Variants in PCDH15 observed in about 807,000 individuals in gnomAD.
PCDH15 encodes protocadherin related 15.
A neutral mutation model predicts 178.5 loss-of-function variants in PCDH15; 129 were observed. That is an observed-to-expected ratio of 0.72 (90% CI 0.63 to 0.84). The LOEUF (loss-of-function observed/expected upper bound fraction) is 0.84. Ranked by LOEUF, PCDH15 falls within the 40% of genes least tolerant of loss-of-function variation. The pLI is 0.00. For missense variants in PCDH15, 2,230 were observed against 2,099.9 expected (o/e 1.06, Z -1.21); for synonymous variants, 800 against 732.0 (o/e 1.09, Z -1.50).
In PCDH15 at chr10:54,959,705, A is replaced by G. The variant is rs185148774; in HGVS notation, c.-79-62205T>C. On this transcript the variant is annotated intron_variant, in intron 2 of 5. Transcript: ENST00000458638. ...ATCTAACCTAGCCTTTATGTCTATC[A>G]TCGAATTTAGAGGAACTAAAGGAAT... Among the ~76,000 whole-genome samples the G allele has an allele frequency of 5.9e-4, 90 of 152,214 alleles. 1 individual carries two copies. The East Asian group carries it at 0.016, about 27-fold the overall frequency.
intron 2 of PCDH15, among the ~76,000 whole-genome samples, chr10:55,354,780 G>A (rs900183830): frequency 4.0e-5 from 6 of 151,742 alleles, no homozygotes; most frequent in African/African-American, 9.7e-5. Context: ...ATATTTTTGC[G>A]GAATGTACAG....
intron 23 of PCDH15, 137 bp downstream of exon 23, chr10:53,959,595 A>C: frequency 1.5e-6 from 1 of 657,288 alleles, no homozygotes; most frequent in East Asian, 2.8e-5. Context: ...TTTAAACTAT[A>C]TTTTATGTTA....
chr10:55,365,471 C>T (rs1231275284), intron 2 of PCDH15, among the ~76,000 whole-genome samples: 1 of 152,054 alleles, frequency 6.6e-6, no homozygotes, highest in African/African-American at 2.4e-5. Context: ...GATCTTCCCA[C>T]ATTAATCTTT....
chr10:54,607,568 G>A (rs2092796765), intron 2 of PCDH15, among the ~76,000 whole-genome samples: 1 of 151,998 alleles, frequency 6.6e-6, no homozygotes, highest in Non-Finnish European at 1.5e-5. Flanking sequence ...TTGTCTGCAT[G>A]ACAAATTTAT....
At chr10:54,550,544 T>A (rs1327258960) in intron 2 of PCDH15, among the ~76,000 whole-genome samples, 2 of 152,064 alleles carry the variant, frequency 1.3e-5, no homozygotes, top group African/African-American at 4.8e-5. Context: ...CAATGTTTGT[T>A]GTATTTTTTT....
intron 2 of PCDH15, among the ~76,000 whole-genome samples, chr10:55,055,720 T>C (rs1215940677): frequency 6.6e-6 from 1 of 152,068 alleles, no homozygotes; most frequent in Admixed American, 6.6e-5. Flanking sequence ...GGAGAATTGC[T>C]TGAACCCAAA....
chr10:53,971,239 C>G (rs1175028004), intron 21 of PCDH15, among the ~76,000 whole-genome samples: 3 of 152,076 alleles, frequency 2.0e-5, no homozygotes, highest in African/African-American at 7.2e-5. Flanking sequence ...ATTCAACAGC[C>G]CTTCCTGCTA....
intron 2 of PCDH15, among the ~76,000 whole-genome samples, chr10:55,164,909 G>C (rs1399053321): frequency 1.3e-5 from 2 of 151,106 alleles, no homozygotes; most frequent in East Asian, 3.9e-4. Context: ...GAAGGGTAGA[G>C]AATTGAGAAC....
At chr10:54,456,387 G>C (rs2076822493) in intron 3 of PCDH15, among the ~76,000 whole-genome samples, 1 of 152,158 alleles carries the variant, frequency 6.6e-6, no homozygotes, top group Non-Finnish European at 1.5e-5. Flanking sequence ...TTTAATGACT[G>C]TCCTATTGGA....
At chr10:54,099,042 C>T (rs756710998) in intron 15 of PCDH15, among the ~76,000 whole-genome samples, 1 of 152,086 alleles carries the variant, frequency 6.6e-6, no homozygotes, top group East Asian at 1.9e-4. Flanking sequence ...TTCCTCAGAG[C>T]CTACTCACTT....
At chr10:54,964,880 T>C (rs1052133165) in intron 2 of PCDH15, among the ~76,000 whole-genome samples, 1 of 152,290 alleles carries the variant, frequency 6.6e-6, no homozygotes, top group East Asian at 1.9e-4. Flanking sequence ...TGAATGATAA[T>C]GTATTCTCAG....
At chr10:55,588,698 A>G (rs7915147) in intron 2 of PCDH15, among the ~76,000 whole-genome samples, 49,670 of 151,950 alleles carry the variant, frequency 0.33, 8,583 homozygotes, top group East Asian at 0.49. Flanking sequence ...AAATTGTAAA[A>G]CTAAGAAAAA....
At chr10:55,346,996 C>T (rs896212192) in intron 2 of PCDH15, among the ~76,000 whole-genome samples, 1 of 151,988 alleles carries the variant, frequency 6.6e-6, no homozygotes, top group Non-Finnish European at 1.5e-5. Context: ...GGGAGGATCA[C>T]TTGGCTCAGG....
At position 53,973,751 on chromosome 10, in the gene PCDH15, GA is replaced by G. The variant is rs201031015; in HGVS notation, c.2869-11860del. Among the ~76,000 whole-genome samples the G allele has an allele frequency of 6.6e-5, 10 of 150,820 alleles. 1 individual carries two copies. The South Asian group carries it at 1.0e-3, about 16-fold the overall frequency. Reference sequence around the variant, plus strand: ...TAAATAGATTTTTAAAAGATTTTTAGAAAAAAAAATCATAGCCATTGCTCCT... The same window carrying G: ...TAAATAGATTTTTAAAAGATTTTTAGAAAAAAAATCATAGCCATTGCTCCT... On this transcript the variant is annotated intron_variant, in intron 21 of 37. Coordinates refer to ENST00000644397, the MANE Select transcript of PCDH15 (RefSeq NM_001384140.1).
chr10:53,973,180 G>C (rs2134470558), intron 21 of PCDH15, among the ~76,000 whole-genome samples: 1 of 151,424 alleles, frequency 6.6e-6, no homozygotes, highest in East Asian at 2.0e-4. Flanking sequence ...TCTGAGCAAA[G>C]TATTGCAAGG....
At chr10:55,280,013 T>C (rs535686220) in intron 1 of PCDH15, among the ~76,000 whole-genome samples, 1 of 152,232 alleles carries the variant, frequency 6.6e-6, no homozygotes, top group Admixed American at 6.5e-5. Context: ...CCACATAACA[T>C]AAGCAAGATG....
chr10:54,897,934 GAAAAAATCCTTCTT>G (rs953466844), intron 2 of PCDH15, among the ~76,000 whole-genome samples: 2 of 152,104 alleles, frequency 1.3e-5, no homozygotes, highest in African/African-American at 4.8e-5. Flanking sequence ...AACAGCTTAT[GAAAAAATCCTTCTT>G]TCTGTATAAT....
chr10:53,975,390 A>C (rs1283600243), intron 21 of PCDH15, among the ~76,000 whole-genome samples: 2 of 152,168 alleles, frequency 1.3e-5, no homozygotes. Flanking sequence ...ATTAATTTAC[A>C]TTCCCACCAA....
intron 6 of PCDH15, among the ~76,000 whole-genome samples, chr10:54,344,994 T>C (rs890302354): frequency 6.7e-6 from 1 of 148,478 alleles, no homozygotes; most frequent in Non-Finnish European, 1.5e-5. Context: ...TATATATACT[T>C]ATTTTCCAAA....
Sources: allele counts gnomAD v4.1 joint callset (sites outside exome capture counted in the v4.1 genomes callset), GRCh38; gene constraint gnomAD v4.1.1; transcripts MANE v1.5; gene names NCBI Gene and HGNC (gene_info 2026-07-23, HGNC 2026-07-21).